The following RPAP2 variants were observed in gnomAD, a reference collection of about 807,000 sequenced individuals.
The protein encoded by RPAP2 is putative RNA polymerase II subunit B1 CTD phosphatase RPAP2.
A neutral mutation model predicts 73.1 loss-of-function variants in RPAP2; 52 were observed. The observed-to-expected ratio is 0.71, with a 90% CI of 0.57 to 0.90. The LOEUF (loss-of-function observed/expected upper bound fraction) is 0.90. Among genes scored for constraint, RPAP2 ranks in the 40% least tolerant of loss-of-function variants. The probability of loss-of-function intolerance (pLI) is 0.00; values close to 1 mark genes in which losing one functional copy is unlikely to be tolerated. For missense variants in RPAP2, 598 were observed against 701.8 expected (o/e 0.85, Z 1.67); for synonymous variants, 225 against 242.1 (o/e 0.93, Z 0.65).
intron 11 of RPAP2, among the ~76,000 whole-genome samples, chr1:92,362,939 A>AAATC (rs1412699039): frequency 1.3e-5 from 2 of 152,188 alleles, no homozygotes; most frequent in African/African-American, 4.8e-5. Flanking sequence ...ACATGCTCCA[A>AAATC]AATCAATCAA....
intron 11 of RPAP2, among the ~76,000 whole-genome samples, chr1:92,357,094 T>TACACACACACACACACAC (rs34488806): frequency 6.9e-6 from 1 of 144,756 alleles, no homozygotes; most frequent in Non-Finnish European, 1.5e-5. Flanking sequence ...AAGGATTACA[T>TACACACACACACACACAC]ACACACACAC....
chr1:92,361,513 G>T (rs1457105696), intron 11 of RPAP2, among the ~76,000 whole-genome samples: 1 of 152,050 alleles, frequency 6.6e-6, no homozygotes, highest in Non-Finnish European at 1.5e-5. Context: ...AACAAAAATA[G>T]TTGCTTACTA....
intron 5 of RPAP2, 131 bp from the exon 6 acceptor site, chr1:92,307,057 T>A (rs1298016161): frequency 1.1e-5 from 7 of 637,496 alleles, no homozygotes; most frequent in Non-Finnish European, 1.3e-5. Context: ...ATCTTATTTC[T>A]TACCTTGGGT....
intron 8 of RPAP2, among the ~76,000 whole-genome samples, chr1:92,327,796 C>T (rs1217726421): frequency 6.6e-6 from 1 of 151,836 alleles, no homozygotes; most frequent in African/African-American, 2.4e-5. Flanking sequence ...GTATTATTTC[C>T]AGGATTTGTT....
intron 3 of RPAP2, among the ~76,000 whole-genome samples, chr1:92,301,819 C>T (rs1423371707): frequency 1.3e-5 from 2 of 152,068 alleles, no homozygotes; most frequent in Non-Finnish European, 2.9e-5. Flanking sequence ...GGTGATGACA[C>T]GTAATGTATA....
chr1:92,346,963 A>G (rs1653934325), intron 11 of RPAP2, among the ~76,000 whole-genome samples: 3 of 152,314 alleles, frequency 2.0e-5, no homozygotes, highest in Middle Eastern at 6.8e-3. Context: ...TTATGAATCA[A>G]TCTCATAGCC....
chr1:92,364,075 A>C (rs1266660714), intron 11 of RPAP2, among the ~76,000 whole-genome samples: 1 of 152,090 alleles, frequency 6.6e-6, no homozygotes, highest in Non-Finnish European at 1.5e-5. Context: ...ATAATGGAGT[A>C]GTCATTGAGA....
At chr1:92,318,818 T>C (rs952991964) in intron 6 of RPAP2, among the ~76,000 whole-genome samples, 3 of 152,334 alleles carry the variant, frequency 2.0e-5, no homozygotes, top group East Asian at 1.9e-4. Context: ...AGCAGTCTTA[T>C]AGTAATTGGT....
In RPAP2 at chr1:92,323,885, C is replaced by A; in HGVS notation, c.965C>A (p.Ser322Ter). 1.9e-6 allele frequency: 3 copies of A among 1,613,956 alleles called. No homozygotes were observed. In the South Asian group the frequency reaches 3.3e-5, roughly 18 times the overall value. ...SENSESEYSR[S>*]EITLVGISKK... ...AATTCTGAAAGTGAATACAGTAGGT[C>A]AGAAATAACTCTAGTAGGCATAAGT... The change falls in exon 8 of 13, where the codon TCA becomes TAA. Residue 322 changes from serine to a stop codon, truncating the protein, a stop_gained. Transcript: ENST00000610020. LOFTEE classifies it high-confidence loss of function.
intron 11 of RPAP2, 35 bp downstream of exon 11, chr1:92,345,949 A>T: frequency 1.4e-6 from 2 of 1,408,788 alleles, no homozygotes; most frequent in Non-Finnish European, 2.0e-6. Flanking sequence ...TCTAAATACT[A>T]AATGTGAAGC....
At position 92,387,395 on chromosome 1, in the gene RPAP2, T is replaced by A. The variant is rs1219414979; in HGVS notation, c.*384T>A. On this transcript the variant is annotated 3_prime_UTR_variant, in exon 13 of 13. Coordinates refer to ENST00000610020, the MANE Select transcript of RPAP2 (RefSeq NM_024813.3). ...TTTGCCAAAAAAATTGAGAAAGTTA[T>A]GATTTTGACCTCCCAACCTAAACTC... The A allele has an allele frequency of 6.4e-6, 1 of 156,452 alleles. No homozygotes were observed. The highest frequency in any genetic ancestry group is 1.4e-5 in the Non-Finnish European group (1 of 70,950). The allele number at this position is 156,452 out of a possible 1,614,324, so 9.7% of individuals were successfully genotyped here.
At chr1:92,329,471 T>TA (rs1390203934) in intron 8 of RPAP2, among the ~76,000 whole-genome samples, 1 of 152,168 alleles carries the variant, frequency 6.6e-6, no homozygotes, top group East Asian at 1.9e-4. Context: ...GCACCAAGTT[T>TA]ATTTCCAGGC....
chr1:92,361,243 G>A (rs1356366096), intron 11 of RPAP2, among the ~76,000 whole-genome samples: 1 of 152,012 alleles, frequency 6.6e-6, no homozygotes, highest in African/African-American at 2.4e-5. Context: ...AACCAGGAAA[G>A]ATACCTATAG....
Position 92,362,947 on chromosome 1 carries a change from C to T in RPAP2, c.1688+17033C>T, listed in dbSNP as rs1175548742. On this transcript the variant is annotated intron_variant, in intron 11 of 12. Transcript: ENST00000610020. ...AACTTTTACATGCTCCAAAATCAAT[C>T]AAGTTCCCAAACATATAAAATTAAG... 2.6e-5 allele frequency among the ~76,000 whole-genome samples: 4 copies of T among 152,248 alleles called. No homozygotes were observed. In the South Asian group the frequency reaches 6.2e-4, roughly 24 times the overall value.
Position 92,301,554 on chromosome 1 carries a change from A to G in RPAP2, c.198A>G (p.Leu66=). Residue 66 remains leucine (L), a synonymous_variant, in exon 3 of 13, where the codon TTA becomes TTG. Transcript: ENST00000610020. ...RKALHIVEQL[L]EENITEEFLM... ...CTCTACATATTGTTGAACAGCTTTT[A>G]GAGGAGAATATTACAGAAGAGTTCC... 1.3e-6 allele frequency: 2 copies of G among 1,565,914 alleles called. No individual in the cohort carries two copies. Among genetic ancestry groups the G allele is most frequent in the Non-Finnish European group, 1.7e-6 (2 of 1,152,814 alleles).
At chr1:92,363,682 C>A (rs1361946760) in intron 11 of RPAP2, 2 of 296,008 alleles carry the variant, frequency 6.8e-6, no homozygotes, top group African/African-American at 2.2e-5. Context: ...CAAGACCAAC[C>A]CCACTTCTCT....
chr1:92,348,670 G>C (rs1311531674), intron 11 of RPAP2, among the ~76,000 whole-genome samples: 1 of 152,088 alleles, frequency 6.6e-6, no homozygotes, highest in African/African-American at 2.4e-5. Context: ...TCAACTGATA[G>C]ACTTTTTTTA....
Position 92,328,784 on chromosome 1 carries a change from G to A in RPAP2, c.1455+4409G>A, listed in dbSNP as rs187554256. On this transcript the variant is annotated intron_variant, in intron 8 of 12. Transcript: ENST00000610020. ...TCTCATTTGGGTAGACTGTGAGAAG[G>A]AAGATCTGGGACTCAAGGGCTGCTG... 1.8e-3 allele frequency among the ~76,000 whole-genome samples: 276 copies of A among 152,304 alleles called. 2 individuals carry two copies. The highest frequency in any genetic ancestry group is 3.0e-3 in the Admixed American group (46 of 15,304).
rs1384457086 is a variant in RPAP2 at position 92,323,842 on chromosome 1, A to G, written c.922A>G (p.Arg308Gly). The G allele has an allele frequency of 6.2e-7, 1 of 1,614,006 alleles. No individual in the cohort carries two copies. The highest frequency in any genetic ancestry group is 1.7e-5 in the Admixed American group (1 of 60,000). Residue 308 changes from arginine to glycine, a missense_variant, in exon 8 of 13, where the codon AGA becomes GGA. Coordinates refer to ENST00000610020, the MANE Select transcript of RPAP2 (RefSeq NM_024813.3). Reference protein sequence around the residue: ...QSSSNSTLPERLKASENSESE... With the variant: ...QSSSNSTLPEGLKASENSESE... The stretch of plus-strand genomic sequence containing the variant: ...TTCTTCAAATAGCACTTTGCCTGAA[A>G]GATTAAAAGCGTCAGAAAATTCTGA...
Sources: gnomAD v4.1 joint callset for allele counts (sites outside exome capture counted in the v4.1 genomes callset) on GRCh38, gnomAD v4.1.1 for gene constraint, MANE v1.5 for transcripts, NCBI Gene and HGNC (gene_info 2026-07-23, HGNC 2026-07-21) for gene names.